SPINK5: variants seen among roughly 807,000 people sequenced by gnomAD.
SPINK5 encodes the protein serine protease inhibitor Kazal-type 5.
Under a neutral mutation model 151.8 loss-of-function variants are expected in SPINK5, and 125 were observed. That is an observed-to-expected ratio of 0.82 (90% CI 0.71 to 0.96). The LOEUF is 0.96. Ranked by LOEUF, SPINK5 falls within the 40% of genes least tolerant of loss-of-function variation. SPINK5 has a pLI of 0.00. For missense variants in SPINK5, 1,194 were observed against 1,291.9 expected (o/e 0.92, Z 1.16); for synonymous variants, 374 against 395.3 (o/e 0.95, Z 0.64).
intron 4 of SPINK5, among the ~76,000 whole-genome samples, chr5:148,085,235 TCTTCTGTATC>T (rs1160946103): frequency 2.0e-5 from 3 of 151,930 alleles, no homozygotes; most frequent in Non-Finnish European, 4.4e-5. Context: ...CTCAACCTGA[TCTTCTGTATC>T]CTACTTTTAT....
intron 32 of SPINK5, 97 bp from the exon 33 acceptor site, chr5:148,136,886 T>C: frequency 2.0e-6 from 3 of 1,464,070 alleles, no homozygotes; most frequent in Non-Finnish European, 2.9e-6. Context: ...GCAGGATCTA[T>C]GGATTTCTTT....
chr5:148,112,759 T>G (rs915978115), intron 19 of SPINK5, 109 bp from the exon 20 acceptor site: 2 of 1,529,122 alleles, frequency 1.3e-6, no homozygotes, highest in African/African-American at 2.8e-5. Flanking sequence ...AAAGCTAAGT[T>G]GGTGGAGGTA....
chr5:148,108,695 G>T, intron 17 of SPINK5, 58 bp from the exon 18 acceptor site: 2 of 1,588,192 alleles, frequency 1.3e-6, no homozygotes, highest in Non-Finnish European at 1.7e-6. Flanking sequence ...TTTTAAAAAT[G>T]TACTACCAAA....
rs1348041325 is a variant in SPINK5, at chr5:148,072,184, T to A, written c.246T>A (p.His82Gln). ...KEAKSQKRARHLARAPKATAP... is the reference protein window; with the variant it reads ...KEAKSQKRARQLARAPKATAP... ...CAAAATCACAGAAGAGGGCCAGGCA[T>A]TTAGCAAGAGCTCCCAAGGCTACTG... is the stretch of plus-strand genomic sequence containing the variant. The change falls in exon 4 of 33, where the codon CAT becomes CAA. Residue 82 changes from histidine (H) to glutamine (Q), a missense_variant. Physicochemically the swap from His to Gln is conservative, Grantham distance 24. Coordinates refer to ENST00000256084, the MANE Select transcript of SPINK5 (RefSeq NM_006846.4). 6.2e-7 allele frequency: 1 copy of A among 1,612,296 alleles called. No individual in the cohort carries two copies. Among genetic ancestry groups the A allele is most frequent in the African/African-American group, 1.3e-5 (1 of 74,818 alleles).
At chr5:148,120,639 T>C (rs1384160792) in intron 26 of SPINK5, among the ~76,000 whole-genome samples, 1 of 152,192 alleles carries the variant, frequency 6.6e-6, no homozygotes, top group African/African-American at 2.4e-5. Flanking sequence ...ATTTCATTTT[T>C]GAATTTTTTC....
intron 4 of SPINK5, among the ~76,000 whole-genome samples, chr5:148,076,191 A>G (rs1752876204): frequency 6.6e-6 from 1 of 151,780 alleles, no homozygotes; most frequent in Non-Finnish European, 1.5e-5. Context: ...GGGTGAAAGC[A>G]TTGTTAGCTT....
chr5:148,108,650 T>C, intron 17 of SPINK5, 103 bp from the exon 18 acceptor site: 1 of 1,512,410 alleles, frequency 6.6e-7, no homozygotes, highest in Non-Finnish European at 9.0e-7. Flanking sequence ...TATTGAAGAC[T>C]GAATCTGACT....
intron 9 of SPINK5, among the ~76,000 whole-genome samples, chr5:148,095,500 C>T (rs1164172802): frequency 1.3e-5 from 2 of 151,908 alleles, no homozygotes; most frequent in African/African-American, 4.8e-5. Flanking sequence ...TAAGAGAAGA[C>T]TATTCGATAC....
chr5:148,127,327 T>G (rs1266066818), intron 30 of SPINK5, among the ~76,000 whole-genome samples: 5 of 152,234 alleles, frequency 3.3e-5, no homozygotes, highest in Admixed American at 6.5e-5. Flanking sequence ...ATTTACAATG[T>G]GTGTGTGGAA....
intron 4 of SPINK5, among the ~76,000 whole-genome samples, chr5:148,076,546 A>G (rs942869218): frequency 2.6e-5 from 4 of 151,812 alleles, no homozygotes; most frequent in Admixed American, 6.6e-5. Context: ...ACCAAAAGTT[A>G]TAAAATTTTC....
chr5:148,076,561 T>C (rs1181207608), intron 4 of SPINK5, among the ~76,000 whole-genome samples: 2 of 151,730 alleles, frequency 1.3e-5, no homozygotes, highest in Non-Finnish European at 2.9e-5. Flanking sequence ...ATTTTCAAAG[T>C]AACAAGAATA....
chr5:148,070,243 A>G (rs1349738728), intron 2 of SPINK5, 80 bp from the exon 3 acceptor site: 23 of 1,518,896 alleles, frequency 1.5e-5, no homozygotes, highest in South Asian at 1.2e-5. Flanking sequence ...AGACATATAC[A>G]TATATCTACA....
intron 8 of SPINK5, among the ~76,000 whole-genome samples, chr5:148,091,556 T>C (rs904964971): frequency 6.6e-6 from 1 of 151,844 alleles, no homozygotes; most frequent in Admixed American, 6.6e-5. Context: ...TGGTTTAGTG[T>C]AAACCCATTT....
In SPINK5 at chr5:148,127,373, A is replaced by G. The variant is rs759572709; in HGVS notation, c.2964+294A>G. ...TAATTTCACATATGGTAAAATACAT[A>G]GTCAGGTGCCTCAATTCTGTAATTT... On this transcript the variant is annotated intron_variant, in intron 30 of 32. Transcript: ENST00000256084. 2.6e-5 allele frequency among the ~76,000 whole-genome samples: 4 copies of G among 152,170 alleles called. No individual in the cohort carries two copies. The South Asian group carries it at 6.2e-4, about 24-fold the overall frequency.
chr5:148,114,451 G>A lies in SPINK5; in HGVS notation c.1977G>A (p.Lys659=), dbSNP rs1244556489. 3.7e-6 allele frequency: 6 copies of A among 1,613,686 alleles called. No individual in the cohort carries two copies. The highest frequency in any genetic ancestry group is 5.1e-6 in the Non-Finnish European group (6 of 1,179,730). Residue 659 remains lysine, a synonymous_variant, in exon 21 of 33, where the codon AAG becomes AAA. Coordinates refer to ENST00000256084, the MANE Select transcript of SPINK5 (RefSeq NM_006846.4). ...ENDPVRGPDG[K]THGNKCAMCK... is the part of the protein sequence containing the mutation. ...ATCCTGTGCGTGGCCCAGATGGCAAGACCCATGGCAACAAGTGTGCCATGT... is the reference window on the plus strand; with the variant it reads ...ATCCTGTGCGTGGCCCAGATGGCAAAACCCATGGCAACAAGTGTGCCATGT...
At position 148,091,147 on chromosome 5, in the gene SPINK5, G is replaced by A; in HGVS notation, c.603-18G>A. 6.2e-7 allele frequency: 1 copy of A among 1,607,948 alleles called. No individual in the cohort carries two copies. The highest frequency in any genetic ancestry group is 1.3e-5 in the African/African-American group (1 of 74,718). On this transcript the variant is annotated intron_variant, in intron 7 of 32. Transcript: ENST00000256084. The stretch of plus-strand genomic sequence containing the variant: ...TGATTGAGTCATAAACTGACCAACT[G>A]TTTACTTTTCTTAACAGTTTAAAAG...
rs746673766 is a variant in SPINK5 at position 148,088,611 on chromosome 5, G to A, written c.474+6G>A. 6.8e-6 allele frequency: 11 copies of A among 1,611,284 alleles called. No homozygotes were observed. Among genetic ancestry groups the A allele is most frequent in the Non-Finnish European group, 9.3e-6 (11 of 1,178,280 alleles). Reference sequence around the variant, plus strand: ...AGAGCAGTAATCCAGAGCAGGTGAGGTCAATTGTCAGCCTGATGGGAAATA... The same window carrying A: ...AGAGCAGTAATCCAGAGCAGGTGAGATCAATTGTCAGCCTGATGGGAAATA... On this transcript the variant is annotated splice_donor_region_variant and intron_variant, in intron 6 of 32. Coordinates refer to ENST00000256084, the MANE Select transcript of SPINK5 (RefSeq NM_006846.4).
At chr5:148,131,442 G>C (rs1754570282) in intron 31 of SPINK5, 53 bp downstream of exon 31, 1 of 1,610,624 alleles carries the variant, frequency 6.2e-7, no homozygotes, top group Admixed American at 1.7e-5. Flanking sequence ...TTCTCAGCTA[G>C]AGTGTTAACC....
chr5:148,089,398 C>A lies in SPINK5; in HGVS notation c.475-96C>A, dbSNP rs1470600031. 4 of 1,552,078 alleles carry A rather than the reference C, an allele frequency of 2.6e-6. No homozygotes were observed. In the African/African-American group the frequency reaches 4.1e-5, roughly 16 times the overall value. On this transcript the variant is annotated intron_variant, in intron 6 of 32. Coordinates refer to ENST00000256084, the MANE Select transcript of SPINK5 (RefSeq NM_006846.4). ...TGGTACTGCTCTAAGTGGCCCATAGCAATGTCAGAGGGACTGAGTTCAATA... is the reference window on the plus strand; with the variant it reads ...TGGTACTGCTCTAAGTGGCCCATAGAAATGTCAGAGGGACTGAGTTCAATA...
Sources: allele counts gnomAD v4.1 joint callset (sites outside exome capture counted in the v4.1 genomes callset), GRCh38; gene constraint gnomAD v4.1.1; transcripts MANE v1.5; gene names NCBI Gene and HGNC (gene_info 2026-07-23, HGNC 2026-07-21).